The following PHF21A variants were observed in gnomAD, a reference collection of about 807,000 sequenced individuals.
The protein encoded by PHF21A is PHD finger protein 21A.
A neutral mutation model predicts 82.5 loss-of-function variants in PHF21A; 11 were observed. The observed-to-expected ratio is 0.13, with a 90% CI of 0.08 to 0.22. The LOEUF (loss-of-function observed/expected upper bound fraction) is 0.22. PHF21A is among the 10% of genes least tolerant of loss of function. The pLI, the probability that PHF21A is intolerant of heterozygous loss-of-function variation, is 1.00. For synonymous variants in PHF21A, 297 were observed against 302.8 expected (o/e 0.98, Z 0.20); for missense variants, 579 against 837.8 (o/e 0.69, Z 3.81).
rs1452859819 is a variant in PHF21A, at chr11:45,971,905, T to TTTTTTTTTTTTTTTTTTTA, written c.361-539_361-538insTAAAAAAAAAAAAAAAAAA. On this transcript the variant is annotated intron_variant, in intron 7 of 18. Coordinates refer to ENST00000676320, the MANE Select transcript of PHF21A (RefSeq NM_001352027.3). ...CTTTTTCTTTCTTTTTTTTTTTTTT[T>TTTTTTTTTTTTTTTTTTTA]ATGGTGTCACCCTGGAGAGAAGGAA... Among the ~76,000 whole-genome samples the TTTTTTTTTTTTTTTTTTTA allele has an allele frequency of 1.4e-4, 13 of 89,938 alleles. 1 individual carries two copies. The highest frequency in any genetic ancestry group is 1.5e-3 in the East Asian group (2 of 1,336). The allele number at this position is 89,938 out of a possible 152,430, so 59.0% of individuals were successfully genotyped here. A position where few individuals can be genotyped will look rare whatever the true frequency, so the allele number is the denominator to read the frequency against.
intron 6 of PHF21A, among the ~76,000 whole-genome samples, chr11:46,067,460 T>C (rs1211773059): frequency 2.6e-5 from 4 of 152,184 alleles, no homozygotes; most frequent in African/African-American, 4.8e-5. Context: ...TACTAGTTTA[T>C]ACAACTTCAC....
intron 10 of PHF21A, among the ~76,000 whole-genome samples, chr11:45,962,157 C>T (rs1359070957): frequency 6.6e-6 from 1 of 152,160 alleles, no homozygotes; most frequent in Admixed American, 6.5e-5. Flanking sequence ...AGTTTATCCA[C>T]CTTATATATA....
chr11:46,049,228 T>C (rs1416830578), intron 6 of PHF21A, among the ~76,000 whole-genome samples: 1 of 152,206 alleles, frequency 6.6e-6, no homozygotes, highest in Non-Finnish European at 1.5e-5. Flanking sequence ...GAGAAAGTAA[T>C]ACAGAACTGT....
chr11:45,949,261 C>CA (rs1304096603), intron 13 of PHF21A, 141 bp downstream of exon 13: 16 of 730,652 alleles, frequency 2.2e-5, no homozygotes, highest in East Asian at 7.5e-5. Context: ...AATGATAAGT[C>CA]AAAAAAAATC....
At chr11:45,977,261 T>C (rs1433137760) in intron 7 of PHF21A, among the ~76,000 whole-genome samples, 2 of 151,606 alleles carry the variant, frequency 1.3e-5, no homozygotes, top group African/African-American at 4.8e-5. Context: ...CTAAGCCTCC[T>C]GAGGAGCTGG....
At chr11:46,012,106 C>T (rs1179828000) in intron 6 of PHF21A, among the ~76,000 whole-genome samples, 3 of 152,156 alleles carry the variant, frequency 2.0e-5, no homozygotes, top group Middle Eastern at 3.2e-3. Flanking sequence ...TCATTACTAC[C>T]GGAAAGAATC....
chr11:45,971,052 A>G, intron 8 of PHF21A, 64 bp downstream of exon 8: 8 of 1,561,906 alleles, frequency 5.1e-6, no homozygotes, highest in Non-Finnish European at 7.0e-6. Flanking sequence ...GAAGGGATAT[A>G]CTATACAAAT....
chr11:46,047,944 T>G (rs1472323727), intron 6 of PHF21A, among the ~76,000 whole-genome samples: 1 of 152,254 alleles, frequency 6.6e-6, no homozygotes, highest in East Asian at 1.9e-4. Context: ...TTCAGTGCCC[T>G]GAGACCAAAT....
At chr11:46,107,165 A>G (rs949200977) in intron 1 of PHF21A, among the ~76,000 whole-genome samples, 4 of 152,242 alleles carry the variant, frequency 2.6e-5, no homozygotes, top group Admixed American at 6.5e-5. Flanking sequence ...CAAATTTCCT[A>G]TATGTTTGAC....
At chr11:46,108,391 A>T (rs1296545604) in intron 1 of PHF21A, among the ~76,000 whole-genome samples, 1 of 152,036 alleles carries the variant, frequency 6.6e-6, no homozygotes, top group Non-Finnish European at 1.5e-5. Context: ...CTAAGGCATT[A>T]GGTTTGGAAT....
chr11:45,938,317 A>G lies in PHF21A; in HGVS notation c.1453-5T>C, dbSNP rs2089585890. ...AAAATCCTCATGAATATCACCCTAT[A>G]AAGTTGAGAGGAAAGGTAAGAAAAA... On this transcript the variant is annotated splice_region_variant and splice_polypyrimidine_tract_variant and intron_variant, in intron 15 of 18. Transcript: ENST00000676320. 1 of 1,605,356 alleles carries G rather than the reference A, an allele frequency of 6.2e-7. No individual in the cohort carries two copies. The highest frequency in any genetic ancestry group is 2.2e-5 in the East Asian group (1 of 44,724).
chr11:46,000,973 C>A (rs1035077879), intron 6 of PHF21A, among the ~76,000 whole-genome samples: 1 of 151,844 alleles, frequency 6.6e-6, no homozygotes, highest in Non-Finnish European at 1.5e-5. Context: ...GTCACTTTTT[C>A]ATTGTTTCAC....
Position 46,088,455 on chromosome 11 carries a change from C to T in PHF21A, c.-84+2000G>A, listed in dbSNP as rs374028720. On this transcript the variant is annotated intron_variant, in intron 3 of 18. Transcript: ENST00000676320. ...AACAACAAAACATAAAAACCAAACA[C>T]ACAAACCAAACACACAAAAACAATA... 9.9e-5 allele frequency among the ~76,000 whole-genome samples: 15 copies of T among 152,114 alleles called. No individual in the cohort carries two copies. In the East Asian group the frequency reaches 2.7e-3, roughly 27 times the overall value.
chr11:45,980,031 T>G, intron 6 of PHF21A, 65 bp from the exon 7 acceptor site: 1 of 1,605,236 alleles, frequency 6.2e-7, no homozygotes, highest in Non-Finnish European at 8.5e-7. Context: ...TGCACAGAAA[T>G]ATGCTCTGAC....
chr11:46,047,741 G>A (rs538366963), intron 6 of PHF21A, among the ~76,000 whole-genome samples: 85 of 152,344 alleles, frequency 5.6e-4, no homozygotes, highest in African/African-American at 2.0e-3. Context: ...GTAAGCTTAA[G>A]AGAAGTCACT....
At chr11:46,042,156 G>A (rs2096158619) in intron 6 of PHF21A, among the ~76,000 whole-genome samples, 1 of 152,090 alleles carries the variant, frequency 6.6e-6, no homozygotes, top group Non-Finnish European at 1.5e-5. Flanking sequence ...TAGGGTGCCA[G>A]GCAACTTAAT....
At chr11:46,001,772 C>T (rs891686668) in intron 6 of PHF21A, among the ~76,000 whole-genome samples, 3 of 152,124 alleles carry the variant, frequency 2.0e-5, no homozygotes, top group Non-Finnish European at 2.9e-5. Flanking sequence ...GGCTGTCACT[C>T]GTACTAGAAA....
At chr11:46,012,943 TA>T (rs1565534640) in intron 6 of PHF21A, among the ~76,000 whole-genome samples, 3 of 152,206 alleles carry the variant, frequency 2.0e-5, no homozygotes, top group Admixed American at 1.3e-4. Context: ...TCAGTCCTCA[TA>T]GGGGAAAATT....
rs2087504022 is a variant in PHF21A at position 45,929,860 on chromosome 11, G to C, written c.*4108C>G. On this transcript the variant is annotated 3_prime_UTR_variant, in exon 19 of 19. Transcript: ENST00000676320. ...CCCACTCCTGTCTTGGAGAGGAGCT[G>C]ACTCAGAGGACAGTCTAAGTCAGGG... 1 of 152,306 alleles carries C rather than the reference G, an allele frequency of 6.6e-6. No homozygotes were observed. Among genetic ancestry groups the C allele is most frequent in the African/African-American group, 2.4e-5 (1 of 41,460 alleles). The allele number at this position is 152,306 out of a possible 1,614,324, so 9.4% of individuals were successfully genotyped here.
Sources: allele counts gnomAD v4.1 joint callset (sites outside exome capture counted in the v4.1 genomes callset), GRCh38; gene constraint gnomAD v4.1.1; transcripts MANE v1.5; gene names NCBI Gene and HGNC (gene_info 2026-07-23, HGNC 2026-07-21).